Variants in CES1 observed in about 807,000 individuals in gnomAD.
CES1 encodes carboxylesterase 1.
CES1 carries 50 observed loss-of-function variants against 53.0 expected under a neutral mutation model. That is an observed-to-expected ratio of 0.94 (90% CI 0.75 to 1.19). The LOEUF is 1.19. Ranked by LOEUF, CES1 falls within the 50% of genes most tolerant of loss-of-function variation. The pLI is 0.00. For missense variants in CES1, 534 were observed against 538.0 expected (o/e 0.99, Z 0.07); for synonymous variants, 202 against 210.1 (o/e 0.96, Z 0.33).
At chr16:55,829,291 C>T (rs1372357271) in intron 1 of CES1, among the ~76,000 whole-genome samples, 2 of 152,246 alleles carry the variant, frequency 1.3e-5, no homozygotes, top group Non-Finnish European at 2.9e-5. Flanking sequence ...CATTAGAATC[C>T]TGGCACTGAG....
At chr16:55,809,242 A>G (rs2031577408) in intron 11 of CES1, among the ~76,000 whole-genome samples, 1 of 152,198 alleles carries the variant, frequency 6.6e-6, no homozygotes, top group Non-Finnish European at 1.5e-5. Flanking sequence ...CAAGTTTAAG[A>G]AAGAACAGAT....
rs757158388 is a variant in CES1, at chr16:55,810,701, G to A, written c.1171-37C>T. ...CAAAAAGTGACCACCAGCCCCGGGT[G>A]AGCGATGCAGCTTCTCCAGCCCACC... is the stretch of plus-strand genomic sequence containing the variant. On this transcript the variant is annotated intron_variant, in intron 10 of 13. Coordinates refer to ENST00000360526, the MANE Select transcript of CES1 (RefSeq NM_001025195.2). 4 of 1,612,384 alleles carry A rather than the reference G, an allele frequency of 2.5e-6. No homozygotes were observed. In the East Asian group the frequency reaches 6.7e-5, roughly 27 times the overall value.
chr16:55,819,769 C>T (rs1427436795), intron 6 of CES1, 130 bp from the exon 7 acceptor site: 10 of 821,298 alleles, frequency 1.2e-5, no homozygotes, highest in East Asian at 2.5e-5. Context: ...ACTGTAGACC[C>T]GTGGGTGTGG....
chr16:55,830,957 A>G (rs191348098), intron 1 of CES1, among the ~76,000 whole-genome samples: 11 of 152,282 alleles, frequency 7.2e-5, no homozygotes, highest in Admixed American at 2.0e-4. Context: ...GCTGGCTTGT[A>G]ATGCTGGATC....
At position 55,823,642 on chromosome 16, in the gene CES1, C is replaced by T. The variant is rs143836322; in HGVS notation, c.447G>A (p.Ala149=). The change falls in exon 4 of 14, where the codon GCG becomes GCA. Residue 149 remains alanine (A), a synonymous_variant. Transcript: ENST00000360526. ...GGGCCAGCCCATCATAGGTTGATGC[C>T]GCACCCACCATCAGCCCCCCTCCGT... ...WIHGGGLMVG[A]ASTYDGLALA... 2.5e-4 allele frequency: 399 copies of T among 1,614,002 alleles called. No homozygotes were observed. The South Asian group carries it at 3.2e-3, about 13-fold the overall frequency.
At chr16:55,814,413 G>C (rs1334112810) in intron 8 of CES1, among the ~76,000 whole-genome samples, 4 of 152,358 alleles carry the variant, frequency 2.6e-5, no homozygotes, top group Middle Eastern at 3.4e-3. Flanking sequence ...CTAAGATAGA[G>C]CATGGACTTT....
At chr16:55,830,805 G>GGAAGGAAGGAAGGAAGGAAGGTAA (rs2032621818) in intron 1 of CES1, among the ~76,000 whole-genome samples, 1 of 149,436 alleles carries the variant, frequency 6.7e-6, no homozygotes, top group African/African-American at 2.5e-5. Context: ...AAGGAAGGAA[G>GGAAGGAAGGAAGGAAGGAAGGTAA]GAAGGAAGGA....
chr16:55,824,050 T>A (rs2032324604), intron 3 of CES1, among the ~76,000 whole-genome samples: 1 of 152,264 alleles, frequency 6.6e-6, no homozygotes, highest in Non-Finnish European at 1.5e-5. Flanking sequence ...GCACTCAGCG[T>A]ACCCATGGGG....
At chr16:55,812,811 G>A (rs2031757452) in intron 9 of CES1, 92 bp downstream of exon 9, 1 of 1,558,382 alleles carries the variant, frequency 6.4e-7, no homozygotes. Flanking sequence ...AGGACTCAGA[G>A]TGCAGCTCGG....
At chr16:55,822,626 C>T (rs1366562877) in intron 4 of CES1, among the ~76,000 whole-genome samples, 1 of 152,076 alleles carries the variant, frequency 6.6e-6, no homozygotes, top group Non-Finnish European at 1.5e-5. Context: ...TGCCTGTGGG[C>T]TTCAAAGGTG....
chr16:55,829,489 A>C (rs571745437), intron 1 of CES1, among the ~76,000 whole-genome samples: 1 of 152,244 alleles, frequency 6.6e-6, no homozygotes, highest in African/African-American at 2.4e-5. Flanking sequence ...TGCGGGCATC[A>C]TGGAGGAGCT....
intron 3 of CES1, among the ~76,000 whole-genome samples, chr16:55,824,450 A>T (rs1173009410): frequency 6.6e-5 from 10 of 152,228 alleles, no homozygotes; most frequent in African/African-American, 2.4e-4. Flanking sequence ...AAGAACTCGT[A>T]ACATAAACTA....
chr16:55,822,444 C>G (rs115530611), intron 4 of CES1, among the ~76,000 whole-genome samples: 2 of 152,168 alleles, frequency 1.3e-5, no homozygotes, highest in African/African-American at 4.8e-5. Flanking sequence ...GTCCACAAGG[C>G]CTTCTCCTGA....
intron 4 of CES1, among the ~76,000 whole-genome samples, chr16:55,821,751 G>T (rs1269628680): frequency 3.3e-5 from 5 of 152,202 alleles, no homozygotes; most frequent in Admixed American, 3.3e-4. Context: ...GCTGTCTTAT[G>T]AGCTAGAGCA....
chr16:55,817,029 G>C, intron 7 of CES1, 67 bp from the exon 8 acceptor site: 1 of 1,534,002 alleles, frequency 6.5e-7, no homozygotes, highest in Non-Finnish European at 9.0e-7. Flanking sequence ...TGGGTGAGTG[G>C]GGCAACAGAG....
chr16:55,829,683 C>T (rs2032564151), intron 1 of CES1, among the ~76,000 whole-genome samples: 1 of 152,224 alleles, frequency 6.6e-6, no homozygotes, highest in East Asian at 1.9e-4. Flanking sequence ...TGGAATGAGA[C>T]CGCACATGTC....
intron 4 of CES1, 140 bp from the exon 5 acceptor site, chr16:55,821,661 T>C: frequency 1.1e-6 from 1 of 885,646 alleles, no homozygotes; most frequent in East Asian, 2.6e-5. Flanking sequence ...CTGCTTTCAT[T>C]AGTACAGCAT....
intron 2 of CES1, chr16:55,827,875 T>A (rs1224544968): frequency 6.6e-6 from 1 of 152,178 alleles, no homozygotes; most frequent in Non-Finnish European, 1.5e-5. Flanking sequence ...ATATATTACA[T>A]CATAATACTT....
intron 7 of CES1, 79 bp from the exon 8 acceptor site, chr16:55,817,041 T>C (rs1283412447): frequency 6.8e-7 from 1 of 1,466,236 alleles, no homozygotes; most frequent in Non-Finnish European, 9.6e-7. Flanking sequence ...GCAACAGAGG[T>C]GTCAGGTTCT....
Sources: gnomAD v4.1 joint callset for allele counts (sites outside exome capture counted in the v4.1 genomes callset) on GRCh38, gnomAD v4.1.1 for gene constraint, MANE v1.5 for transcripts, NCBI Gene and HGNC (gene_info 2026-07-23, HGNC 2026-07-21) for gene names.